STAG2: variants seen among roughly 807,000 people sequenced by gnomAD.
STAG2 encodes STAG2 cohesin complex component, also known as cohesin subunit SA-2.
STAG2 carries 14 observed loss-of-function variants against 108.1 expected under a neutral mutation model. The ratio of observed to expected loss-of-function variants is 0.13; its 90% CI spans 0.09 to 0.20. The LOEUF (loss-of-function observed/expected upper bound fraction) is 0.20. STAG2 is among the 10% of genes least tolerant of loss of function. The pLI, the probability that STAG2 is intolerant of heterozygous loss-of-function variation, is 1.00. For synonymous variants in STAG2, 307 were observed against 302.7 expected, an observed-to-expected ratio of 1.01 and a Z score of -0.15; for missense variants, 440 against 940.9, an observed-to-expected ratio of 0.47 and a Z score of 6.96.
At chrX:124,039,236 G>A (rs998905549) in intron 6 of STAG2, among the ~76,000 whole-genome samples, 2 of 107,997 alleles carry the variant, frequency 1.9e-5, no homozygotes, top group Non-Finnish European at 3.8e-5. Context: ...GCTCACTGCG[G>A]CCTTGACCTC....
chrX:124,086,698 A>G lies in STAG2; in HGVS notation c.3205A>G (p.Thr1069Ala), dbSNP rs1379769920. Residue 1069 changes from threonine to alanine, a missense_variant, in exon 30 of 35, where the codon ACA becomes GCA. Thr to Ala is a moderately conservative substitution (Grantham distance 58, BLOSUM62 0). Around this residue, in one of 3 missense-constraint regions of STAG2, gnomAD observed 337 missense variants for 649.3 expected, o/e 0.52. Transcript: ENST00000371145. ...TAGTGGAATCAGCAGCCGGGGGTCA[A>G]CAGTACGGAGTAAAAAATCAAAACC... ...VISGISSRGSTVRSKKSKPST... is the reference protein window; with the variant it reads ...VISGISSRGSAVRSKKSKPST... 3.3e-6 allele frequency: 4 copies of G among 1,209,866 alleles called. No individual in the cohort carries two copies. The highest frequency in any genetic ancestry group is 4.5e-6 in the Non-Finnish European group (4 of 895,279).
intron 8 of STAG2, among the ~76,000 whole-genome samples, chrX:124,045,815 T>C (rs903449820): frequency 1.8e-5 from 2 of 111,196 alleles, no homozygotes; most frequent in African/African-American, 6.5e-5. Context: ...TTTGGAGATA[T>C]CATCACAGTC....
intron 1 of STAG2, among the ~76,000 whole-genome samples, chrX:123,968,379 G>T (rs982796964): frequency 8.9e-6 from 1 of 112,228 alleles, no homozygotes; most frequent in African/African-American, 3.2e-5. Context: ...AAATAAGTTG[G>T]CTGGGCGTGG....
intron 1 of STAG2, among the ~76,000 whole-genome samples, chrX:123,976,702 C>A (rs1265790769): frequency 1.8e-5 from 2 of 111,703 alleles, no homozygotes; most frequent in African/African-American, 6.5e-5. Flanking sequence ...GTACTAGGCT[C>A]CCTAACATTT....
intron 1 of STAG2, among the ~76,000 whole-genome samples, chrX:123,969,619 A>G (rs762877732): frequency 9.1e-6 from 1 of 109,330 alleles, no homozygotes; most frequent in African/African-American, 3.3e-5. Context: ...TTCATTAGTG[A>G]TCGGTATCTT....
intron 32 of STAG2, among the ~76,000 whole-genome samples, chrX:124,092,936 A>G (rs1044684854): frequency 8.9e-6 from 1 of 111,862 alleles, no homozygotes; most frequent in African/African-American, 3.3e-5. Flanking sequence ...GGTAACATGG[A>G]TCAGAGATCG....
At chrX:124,070,549 T>C (rs934811428) in intron 24 of STAG2, among the ~76,000 whole-genome samples, 5 of 112,165 alleles carry the variant, frequency 4.5e-5, no homozygotes, top group African/African-American at 1.6e-4. Context: ...ACTTCAGCCT[T>C]ATGTTTATTA....
chrX:124,092,926 G>A (rs1053376657), intron 32 of STAG2, among the ~76,000 whole-genome samples: 40 of 111,584 alleles, frequency 3.6e-4, no homozygotes, highest in African/African-American at 1.3e-3. Flanking sequence ...TATTTGTCCA[G>A]GTAACATGGA....
rs182007718 is a variant in STAG2 at position 124,011,098 on chromosome X, T to A, written c.-162-10269T>A. On this transcript the variant is annotated intron_variant, in intron 1 of 34. Coordinates refer to ENST00000371145, the MANE Select transcript of STAG2 (RefSeq NM_001042750.2). The stretch of plus-strand genomic sequence containing the variant: ...TTTGTAGTTTTCAGTGTACAAGTCT[T>A]CTACGTGCTTGGTTAGGTTTAGTAT... Among the ~76,000 whole-genome samples, 10 of 111,575 alleles carry A rather than the reference T, an allele frequency of 9.0e-5. No homozygotes were observed. The East Asian group carries it at 2.8e-3, about 31-fold the overall frequency.
At chrX:123,968,478 A>G (rs1285463375) in intron 1 of STAG2, among the ~76,000 whole-genome samples, 1 of 111,303 alleles carries the variant, frequency 9.0e-6, no homozygotes, top group African/African-American at 3.3e-5. Context: ...TGGGCAACGT[A>G]GGGAGACCCC....
At chrX:124,030,236 CA>C (rs2148056863) in intron 4 of STAG2, among the ~76,000 whole-genome samples, 1 of 111,879 alleles carries the variant, frequency 8.9e-6, no homozygotes, top group South Asian at 3.7e-4. Context: ...AGTCTGCATC[CA>C]AAAGCTGCAT....
intron 1 of STAG2, among the ~76,000 whole-genome samples, chrX:123,967,794 T>C (rs1310566266): frequency 9.0e-6 from 1 of 111,056 alleles, no homozygotes; most frequent in Non-Finnish European, 1.9e-5. Context: ...TATAATACAG[T>C]GGTAAGTATT....
chrX:124,059,818 A>G (rs1369655285), intron 15 of STAG2, among the ~76,000 whole-genome samples: 1 of 110,107 alleles, frequency 9.1e-6, no homozygotes, highest in African/African-American at 3.3e-5. Flanking sequence ...GTGCCACCAC[A>G]CCCAGCTAGT....
intron 27 of STAG2, 105 bp downstream of exon 27, chrX:124,078,163 A>G (rs372704497): frequency 1.8e-5 from 10 of 540,976 alleles, no homozygotes; most frequent in African/African-American, 1.5e-4. Flanking sequence ...GGCAATTTAT[A>G]AAAGTAGAAA....
chrX:124,012,857 TAAA>T (rs2056565829), intron 1 of STAG2, among the ~76,000 whole-genome samples: 1 of 112,029 alleles, frequency 8.9e-6, no homozygotes, highest in African/African-American at 3.2e-5. Flanking sequence ...AAATTATTAA[TAAA>T]AATTCAGTAA....
chrX:124,020,226 C>T (rs764341491), intron 1 of STAG2, among the ~76,000 whole-genome samples: 19 of 112,150 alleles, frequency 1.7e-4, no homozygotes, highest in Non-Finnish European at 3.2e-4. Context: ...TTATATTCAT[C>T]ACCTGTGATT....
rs2059508340 is a variant in STAG2, at chrX:124,101,589, A to G, written c.*992A>G. 6.3e-6 allele frequency: 1 copy of G among 157,677 alleles called. No homozygotes were observed. The highest frequency in any genetic ancestry group is 1.2e-5 in the Non-Finnish European group (1 of 81,344). 13.0% of individuals were successfully genotyped at this position (157,677 alleles called of 1,213,427 possible). A position where few individuals can be genotyped will look rare whatever the true frequency, so the allele number is the denominator to read the frequency against. ...ATTATGAGGTTTCAGAAATATATTG[A>G]AAGTTTAACAATGTTTAAAAATAGA... On this transcript the variant is annotated 3_prime_UTR_variant, in exon 35 of 35. Coordinates refer to ENST00000371145, the MANE Select transcript of STAG2 (RefSeq NM_001042750.2).
chrX:124,035,659 G>C, intron 5 of STAG2, among the ~76,000 whole-genome samples: 1 of 112,070 alleles, frequency 8.9e-6, no homozygotes, highest in Non-Finnish European at 1.9e-5. Flanking sequence ...ATAATCATTT[G>C]GAAGCTTCTT....
chrX:124,072,892 CT>C (rs1287525386), intron 25 of STAG2, among the ~76,000 whole-genome samples: 1 of 89,315 alleles, frequency 1.1e-5, no homozygotes, highest in African/African-American at 4.3e-5. Context: ...TTCTTTCTTT[CT>C]TTCTTTCTTT....
Sources: gnomAD v4.1 joint callset for allele counts (sites outside exome capture counted in the v4.1 genomes callset) on GRCh38, gnomAD v4.1.1 for gene constraint, gnomAD v4.1.1 regional missense constraint, MANE v1.5 for transcripts, NCBI Gene and HGNC (gene_info 2026-07-23, HGNC 2026-07-21) for gene names.